SPP2: variants seen among roughly 807,000 people sequenced by gnomAD.
SPP2 encodes the protein secreted phosphoprotein 2, also known as secreted phosphoprotein 24.
A neutral mutation model predicts 28.8 loss-of-function variants in SPP2; 34 were observed. The ratio of observed to expected loss-of-function variants is 1.18; its 90% CI spans 0.90 to 1.57. The LOEUF is 1.57. Ranked by LOEUF, SPP2 falls within the 40% of genes most tolerant of loss-of-function variation. SPP2 has a pLI of 0.00. For missense variants in SPP2, 269 were observed against 263.9 expected, an observed-to-expected ratio of 1.02 and a Z score of -0.13; for synonymous variants, 96 against 89.4, an observed-to-expected ratio of 1.07 and a Z score of -0.42.
intron 7 of SPP2, among the ~76,000 whole-genome samples, chr2:234,074,881 A>AC: frequency 6.6e-6 from 1 of 151,918 alleles, no homozygotes; most frequent in South Asian, 2.1e-4. Context: ...AAGCTTCTCT[A>AC]ACACACACAT....
intron 2 of SPP2, among the ~76,000 whole-genome samples, chr2:234,054,249 G>A (rs1345621346): frequency 3.3e-4 from 50 of 152,214 alleles, no homozygotes; most frequent in Admixed American, 3.3e-3. Context: ...GGAGAGAAAG[G>A]TGGGAGTGGA....
At chr2:234,059,085 A>G (rs1693666791) in intron 3 of SPP2, 127 bp downstream of exon 3, 2 of 1,133,788 alleles carry the variant, frequency 1.8e-6, no homozygotes. Flanking sequence ...TAACATGTGG[A>G]CATTGTGTCC....
At chr2:234,063,960 C>T (rs1261674626) in intron 4 of SPP2, among the ~76,000 whole-genome samples, 5 of 152,118 alleles carry the variant, frequency 3.3e-5, no homozygotes, top group Admixed American at 6.6e-5. Flanking sequence ...GATAGATATT[C>T]AACTAGAAGT....
intron 7 of SPP2, among the ~76,000 whole-genome samples, chr2:234,074,092 C>A (rs1219650015): frequency 1.3e-5 from 2 of 152,124 alleles, no homozygotes; most frequent in Admixed American, 6.5e-5. Flanking sequence ...GGCCCCTGCC[C>A]TCAGAGATAA....
At chr2:234,055,197 A>G (rs1179343343) in intron 2 of SPP2, among the ~76,000 whole-genome samples, 3 of 152,220 alleles carry the variant, frequency 2.0e-5, no homozygotes, top group Admixed American at 1.3e-4. Context: ...GCCTCATGCA[A>G]TTTCAAAGGC....
chr2:234,059,554 A>G (rs1203692436), intron 3 of SPP2, among the ~76,000 whole-genome samples: 1 of 152,128 alleles, frequency 6.6e-6, no homozygotes, highest in African/African-American at 2.4e-5. Context: ...ACAAACAAAC[A>G]AACAAACAAA....
In SPP2 at chr2:234,076,620, G is replaced by T. The variant is rs967964575; in HGVS notation, c.*11-225G>T. On this transcript the variant is annotated intron_variant, in intron 7 of 7. Coordinates refer to ENST00000168148, the MANE Select transcript of SPP2 (RefSeq NM_006944.3). ...TATCCTGATCTCCAGCCCCACACCC[G>T]CACACGGTGGCAGCTGTGGCCAACC... Among the ~76,000 whole-genome samples the T allele has an allele frequency of 2.0e-5, 3 of 152,052 alleles. No individual in the cohort carries two copies. The East Asian group carries it at 5.8e-4, about 29-fold the overall frequency.
intron 6 of SPP2, among the ~76,000 whole-genome samples, chr2:234,067,503 C>T (rs1384229505): frequency 2.0e-5 from 3 of 152,146 alleles, no homozygotes; most frequent in Admixed American, 6.5e-5. Context: ...AGAGGCCGGG[C>T]GCGGTGGCTC....
chr2:234,056,560 C>A (rs1055461399), intron 2 of SPP2, among the ~76,000 whole-genome samples: 1 of 152,104 alleles, frequency 6.6e-6, no homozygotes, highest in Admixed American at 6.5e-5. Flanking sequence ...ATGATCTGTA[C>A]CCCCAAAAAA....
rs1293713918 is a variant in SPP2, at chr2:234,058,920, G to T, written c.295G>T (p.Asp99Tyr). 2 of 1,613,966 alleles carry T rather than the reference G, an allele frequency of 1.2e-6. No individual in the cohort carries two copies. Among genetic ancestry groups the T allele is most frequent in the African/African-American group, 1.3e-5 (1 of 74,924 alleles). Residue 99 changes from aspartate to tyrosine, a missense_variant, in exon 3 of 8, where the codon GAT (aspartate) becomes TAT (tyrosine). Transcript: ENST00000168148. ...TACATGCAGGAAGGATTCTGGAGAA[G>T]ATCCCGCTACATGTGCCTTCCAGAG... ...ETTCRKDSGE[D>Y]PATCAFQRDY...
rs1339472597 is a variant in SPP2, at chr2:234,058,976, C to T, written c.333+18C>T. 1.1e-5 allele frequency: 17 copies of T among 1,603,902 alleles called. No homozygotes were observed. The highest frequency in any genetic ancestry group is 1.7e-5 in the Admixed American group (1 of 58,014). ...ACTATGTGGTAAGTGGGAGGAGACC[C>T]ATCCCAGAAATGAACAAAAGGAAGA... On this transcript the variant is annotated intron_variant, in intron 3 of 7. Transcript: ENST00000168148.
At chr2:234,059,711 G>A (rs1301546789) in intron 3 of SPP2, among the ~76,000 whole-genome samples, 1 of 152,172 alleles carries the variant, frequency 6.6e-6, no homozygotes, top group East Asian at 1.9e-4. Flanking sequence ...GCACATGAAA[G>A]TGGAAATCTT....
At chr2:234,075,709 G>T (rs1193088049) in intron 7 of SPP2, among the ~76,000 whole-genome samples, 1 of 152,124 alleles carries the variant, frequency 6.6e-6, no homozygotes, top group Non-Finnish European at 1.5e-5. Flanking sequence ...TTGACACCCA[G>T]CTGTCTGGGG....
At chr2:234,071,136 T>C (rs1690770641) in intron 7 of SPP2, among the ~76,000 whole-genome samples, 1 of 152,146 alleles carries the variant, frequency 6.6e-6, no homozygotes, top group Admixed American at 6.5e-5. Flanking sequence ...GTCTTATTCA[T>C]TTCACCCCCA....
At chr2:234,064,847 A>C (rs1020510752) in intron 4 of SPP2, among the ~76,000 whole-genome samples, 1 of 152,200 alleles carries the variant, frequency 6.6e-6, no homozygotes, top group African/African-American at 2.4e-5. Flanking sequence ...CACTTAGCAT[A>C]ATGTTCTGGA....
At chr2:234,072,343 T>G (rs926401275) in intron 7 of SPP2, among the ~76,000 whole-genome samples, 1 of 152,200 alleles carries the variant, frequency 6.6e-6, no homozygotes, top group East Asian at 1.9e-4. Flanking sequence ...ATCTACTCAT[T>G]ATGAAGCAAC....
Position 234,058,691 on chromosome 2 carries a change from G to A in SPP2, c.211-145G>A, listed in dbSNP as rs11563008. On this transcript the variant is annotated intron_variant, in intron 2 of 7. Coordinates refer to ENST00000168148, the MANE Select transcript of SPP2 (RefSeq NM_006944.3). ...TCTCTGGTCTGCAGAAGAAAGGCAC[G>A]GAACTAGGTGATTGCTAAGATAATT... 0.014 allele frequency: 13,025 copies of A among 904,408 alleles called. 1,195 individuals are homozygous for A. The African/African-American group carries it at 0.2, about 14-fold the overall frequency. The allele number at this position is 904,408 out of a possible 1,614,324, so 56.0% of individuals were successfully genotyped here. A position where few individuals can be genotyped will look rare whatever the true frequency, so the allele number is the denominator to read the frequency against.
chr2:234,066,863 G>A (rs1416355246), intron 5 of SPP2, among the ~76,000 whole-genome samples: 1 of 152,200 alleles, frequency 6.6e-6, no homozygotes, highest in Non-Finnish European at 1.5e-5. Flanking sequence ...CAAGTAAGCG[G>A]AGCCAGTGTT....
chr2:234,051,567 C>T (rs967450611), intron 2 of SPP2, among the ~76,000 whole-genome samples: 2 of 152,194 alleles, frequency 1.3e-5, no homozygotes, highest in Non-Finnish European at 2.9e-5. Context: ...AAAGAGTAAT[C>T]ACTTGGGCTT....
Sources: allele counts gnomAD v4.1 joint callset (sites outside exome capture counted in the v4.1 genomes callset), GRCh38; gene constraint gnomAD v4.1.1; transcripts MANE v1.5; gene names NCBI Gene and HGNC (gene_info 2026-07-23, HGNC 2026-07-21).